VGLL4: variants seen among roughly 807,000 people sequenced by gnomAD.
VGLL4 encodes the protein vestigial like family member 4, also known as transcription cofactor vestigial-like protein 4.
Under a neutral mutation model 21.0 loss-of-function variants are expected in VGLL4, and 7 were observed. The observed-to-expected ratio is 0.33, with a 90% CI of 0.19 to 0.63. VGLL4 has a LOEUF of 0.63. Ranked by LOEUF, VGLL4 falls within the 20% of genes least tolerant of loss-of-function variation. The pLI, the probability that VGLL4 is intolerant of heterozygous loss-of-function variation, is 0.78. For missense variants in VGLL4, 394 were observed against 425.7 expected (o/e 0.93, Z 0.66); for synonymous variants, 222 against 173.2 (o/e 1.28, Z -2.21).
chr3:11,569,581 G>A (rs1470185077), intron 2 of VGLL4, among the ~76,000 whole-genome samples: 1 of 152,242 alleles, frequency 6.6e-6, no homozygotes, highest in Non-Finnish European at 1.5e-5. Flanking sequence ...GGAGGGGCCG[G>A]CACAGGGCCA....
chr3:11,709,435 T>TAAAAAAA (rs58100629), intron 1 of VGLL4, among the ~76,000 whole-genome samples: 1 of 108,856 alleles, frequency 9.2e-6, no homozygotes, highest in African/African-American at 3.3e-5. Context: ...AGACTCCGTC[T>TAAAAAAA]AAAAAAAAAA....
chr3:11,719,378 CCCGGGTCCCGCCCCGCCGA>C lies in VGLL4; in HGVS notation c.-14+997_-14+1015del, dbSNP rs955161892. 176 of 152,292 alleles carry C rather than the reference CCCGGGTCCCGCCCCGCCGA, an allele frequency of 1.2e-3. No homozygotes were observed. Among genetic ancestry groups the C allele is most frequent in the Non-Finnish European group, 1.6e-3 (110 of 68,094 alleles). 9.4% of individuals were successfully genotyped at this position (152,292 alleles called of 1,614,324 possible). ...CCCTCTCAGGCCAGCCCTCGCCCAG[CCCGGGTCCCGCCCCGCCGA>C]CCGGGTCAACCGCACTCACCGCCCG... is the stretch of plus-strand genomic sequence containing the variant. On this transcript the variant is annotated intron_variant, in intron 1 of 5. Coordinates refer to the VGLL4 transcript ENST00000273038. This position sits in a 1 kb window ranked among gnomAD's most constrained non-coding sequence, Gnocchi z 4.0.
At chr3:11,669,550 G>A (rs755456178) in intron 2 of VGLL4, among the ~76,000 whole-genome samples, 4 of 152,174 alleles carry the variant, frequency 2.6e-5, no homozygotes, top group Non-Finnish European at 5.9e-5. Flanking sequence ...ATTCTAAAAC[G>A]AACTTTAAAT....
intron 2 of VGLL4, among the ~76,000 whole-genome samples, chr3:11,579,081 G>A (rs914438449): frequency 2.0e-5 from 3 of 152,176 alleles, no homozygotes; most frequent in East Asian, 1.9e-4. Flanking sequence ...CTAATAGACC[G>A]TAAGGACCTT....
At chr3:11,710,464 T>C (rs1575553650) in intron 1 of VGLL4, 1 of 152,188 alleles carries the variant, frequency 6.6e-6, no homozygotes, top group African/African-American at 2.4e-5. Flanking sequence ...ATGGAGCAAC[T>C]ACCTTGTCTA....
chr3:11,707,949 G>C (rs1261228577), intron 1 of VGLL4, among the ~76,000 whole-genome samples: 2 of 152,142 alleles, frequency 1.3e-5, no homozygotes, highest in African/African-American at 4.8e-5. Flanking sequence ...TATTGATAAT[G>C]TGGGAGGAAA....
chr3:11,604,468 C>A, intron 1 of VGLL4: 3 of 957,346 alleles, frequency 3.1e-6, no homozygotes, highest in Non-Finnish European at 2.5e-6. Flanking sequence ...GGGACAGGTC[C>A]GTTCAGTTAT....
rs2075906202 is a variant in VGLL4 at position 11,653,364 on chromosome 3, T to G, written c.64+49607A>C. On this transcript the variant is annotated intron_variant, in intron 2 of 5. Coordinates refer to the VGLL4 transcript ENST00000273038. The surrounding 1 kb of genome is among the most constrained non-coding windows in gnomAD (Gnocchi z 4.2). ...AGAACGTAGATCAGTTGTATAACAC[T>G]TTATAGAAAGAGAATCGTATGATGC... is the stretch of plus-strand genomic sequence containing the variant. Among the ~76,000 whole-genome samples, 1 of 152,236 alleles carries G rather than the reference T, an allele frequency of 6.6e-6. No homozygotes were observed. The highest frequency in any genetic ancestry group is 2.4e-5 in the African/African-American group (1 of 41,462).
intron 1 of VGLL4, among the ~76,000 whole-genome samples, chr3:11,705,566 G>C (rs747758074): frequency 1.3e-5 from 2 of 152,226 alleles, no homozygotes; most frequent in Non-Finnish European, 2.9e-5. Flanking sequence ...AAGGATTTGT[G>C]AACTTGTTCA....
intron 1 of VGLL4, among the ~76,000 whole-genome samples, chr3:11,720,033 G>A (rs1232381396): frequency 6.6e-6 from 1 of 152,170 alleles, no homozygotes; most frequent in Non-Finnish European, 1.5e-5. Flanking sequence ...GCGCGCCCAG[G>A]TGCCCGCCGC....
chr3:11,628,970 A>C (rs2075418382), intron 1 of VGLL4, among the ~76,000 whole-genome samples: 1 of 152,248 alleles, frequency 6.6e-6, no homozygotes, highest in African/African-American at 2.4e-5. Context: ...TAATCTATTA[A>C]GACCTTTCAA....
In VGLL4 at chr3:11,556,598, C is replaced by CA. The variant is rs879799623; in HGVS notation, c.*1957dup. 1.2e-4 allele frequency: 17 copies of CA among 147,718 alleles called. No individual in the cohort carries two copies. The highest frequency in any genetic ancestry group is 3.5e-3 in the Middle Eastern group (1 of 288). The allele number at this position is 147,718 out of a possible 1,614,324, so 9.2% of individuals were successfully genotyped here. On this transcript the variant is annotated 3_prime_UTR_variant, in exon 5 of 5. Coordinates refer to ENST00000430365, the MANE Select transcript of VGLL4 (RefSeq NM_001128219.3). ...TGCACTTTTACAGACAAATCTACGA[C>CA]AAAAAAAAAGATCAACTTTTTTTTT...
chr3:11,670,145 A>C (rs2076183665), intron 2 of VGLL4, among the ~76,000 whole-genome samples: 1 of 151,748 alleles, frequency 6.6e-6, no homozygotes. Flanking sequence ...GAATATTCAG[A>C]TGCGGATGGG....
At chr3:11,705,602 T>G (rs1303473012) in intron 1 of VGLL4, among the ~76,000 whole-genome samples, 2 of 152,182 alleles carry the variant, frequency 1.3e-5, no homozygotes, top group Non-Finnish European at 2.9e-5. Context: ...AACAAGAACT[T>G]GGAACTGACT....
At chr3:11,683,359 T>C (rs527448441) in intron 2 of VGLL4, among the ~76,000 whole-genome samples, 23 of 152,304 alleles carry the variant, frequency 1.5e-4, no homozygotes, top group South Asian at 1.0e-3. Flanking sequence ...ACAACCTCTA[T>C]GGAAAGCAGT....
chr3:11,717,013 C>T (rs945955967), intron 1 of VGLL4, among the ~76,000 whole-genome samples: 9 of 152,092 alleles, frequency 5.9e-5, no homozygotes, highest in Non-Finnish European at 1.3e-4. Flanking sequence ...CTCATAGCTG[C>T]AACAGCTCAT....
chr3:11,694,543 A>G (rs1244621581), intron 2 of VGLL4, among the ~76,000 whole-genome samples: 2 of 152,004 alleles, frequency 1.3e-5, no homozygotes, highest in African/African-American at 4.8e-5. Flanking sequence ...AATTGCTTGA[A>G]TCTGTAGGGC....
intron 1 of VGLL4, among the ~76,000 whole-genome samples, chr3:11,611,140 G>C (rs1169857286): frequency 6.6e-6 from 1 of 151,214 alleles, no homozygotes; most frequent in Non-Finnish European, 1.5e-5. Context: ...AAGAGAGGGG[G>C]AGGGGGCGGG....
At chr3:11,562,609 C>T (rs1380675249) in intron 3 of VGLL4, among the ~76,000 whole-genome samples, 8 of 152,230 alleles carry the variant, frequency 5.3e-5, no homozygotes, top group South Asian at 4.1e-4. Flanking sequence ...CTCAGCAGGG[C>T]GCCCGAGCCC....
Sources: allele counts gnomAD v4.1 joint callset (sites outside exome capture counted in the v4.1 genomes callset), GRCh38; gene constraint gnomAD v4.1.1; non-coding constraint Gnocchi (gnomAD v3.1); transcripts MANE v1.5; gene names NCBI Gene and HGNC (gene_info 2026-07-23, HGNC 2026-07-21).